Variants in LRP6 observed in about 807,000 individuals in gnomAD.
LRP6 encodes low-density lipoprotein receptor-related protein 6.
LRP6 carries 43 observed loss-of-function variants against 184.1 expected under a neutral mutation model. The observed-to-expected ratio is 0.23, with a 90% CI of 0.18 to 0.30. LRP6 has a LOEUF of 0.30. LRP6 is among the 10% of genes least tolerant of loss of function. The pLI is 1.00. For synonymous variants in LRP6, 719 were observed against 684.9 expected, an observed-to-expected ratio of 1.05 and a Z score of -0.78; for missense variants, 1,571 against 2,005.3, an observed-to-expected ratio of 0.78 and a Z score of 4.14.
chr12:12,266,698 A>T lies in LRP6; in HGVS notation c.38T>A (p.Phe13Tyr). 6.2e-7 allele frequency: 1 copy of T among 1,613,402 alleles called. No individual in the cohort carries two copies. The highest frequency in any genetic ancestry group is 8.5e-7 in the Non-Finnish European group (1 of 1,179,790). ...AVLRSLLACS[F>Y]CVLLRAAPLL... ...CTTCCCACCTCTCAGGAGCACACAG[A>T]AGCTGCAGGCCAGGAGGCTCCTCAG... Residue 13 changes from phenylalanine (F) to tyrosine (Y), a missense_variant, in exon 1 of 23, where the codon TTC becomes TAC. Physicochemically the swap from Phe to Tyr is conservative, Grantham distance 22 (BLOSUM62 3). Transcript: ENST00000261349.
intron 1 of LRP6, among the ~76,000 whole-genome samples, chr12:12,246,316 T>A (rs1865182693): frequency 6.6e-6 from 1 of 152,078 alleles, no homozygotes; most frequent in Admixed American, 6.5e-5. Context: ...CCCAATTTTA[T>A]ATAATCTTAA....
chr12:12,165,015 C>T (rs1862841857), intron 8 of LRP6, 64 bp downstream of exon 8: 3 of 1,168,776 alleles, frequency 2.6e-6, no homozygotes, highest in Non-Finnish European at 3.7e-6. Flanking sequence ...ATTTACACTG[C>T]TGACTATCTC....
chr12:12,213,246 CTT>C (rs1276804673), intron 2 of LRP6, among the ~76,000 whole-genome samples: 1 of 151,960 alleles, frequency 6.6e-6, no homozygotes, highest in Admixed American at 6.6e-5. Context: ...CATGTATACT[CTT>C]ATATTTCCAT....
intron 1 of LRP6, among the ~76,000 whole-genome samples, chr12:12,254,366 T>C (rs1013073878): frequency 6.6e-6 from 1 of 152,106 alleles, no homozygotes; most frequent in African/African-American, 2.4e-5. Context: ...AATAAACTGA[T>C]GAAGGATGAT....
chr12:12,245,331 T>A (rs1424625280), intron 1 of LRP6, among the ~76,000 whole-genome samples: 1 of 152,170 alleles, frequency 6.6e-6, no homozygotes, highest in Non-Finnish European at 1.5e-5. Context: ...AACAAAGGTA[T>A]ATATTGCATG....
chr12:12,229,038 T>C (rs918253087), intron 2 of LRP6, among the ~76,000 whole-genome samples: 1 of 152,182 alleles, frequency 6.6e-6, no homozygotes, highest in Non-Finnish European at 1.5e-5. Context: ...TCTCAAGATC[T>C]GCTAGGATAT....
intron 2 of LRP6, among the ~76,000 whole-genome samples, chr12:12,220,429 G>C (rs948785141): frequency 6.6e-6 from 1 of 152,096 alleles, no homozygotes; most frequent in Non-Finnish European, 1.5e-5. Flanking sequence ...CACTGGACCA[G>C]CTCTGCAGTA....
At chr12:12,233,887 CAT>C (rs972127449) in intron 2 of LRP6, among the ~76,000 whole-genome samples, 1 of 151,902 alleles carries the variant, frequency 6.6e-6, no homozygotes, top group Admixed American at 6.6e-5. Flanking sequence ...AAAGCCTACA[CAT>C]AGAGAGTAGT....
At chr12:12,164,593 AG>A in intron 8 of LRP6, 31 bp from the exon 9 acceptor site, 1 of 1,603,496 alleles carries the variant, frequency 6.2e-7, no homozygotes, top group Non-Finnish European at 8.5e-7. Flanking sequence ...GGGGCACAGA[AG>A]GACACACACA....
chr12:12,228,163 G>C (rs1022143059), intron 2 of LRP6, among the ~76,000 whole-genome samples: 2 of 152,150 alleles, frequency 1.3e-5, no homozygotes, highest in African/African-American at 4.8e-5. Flanking sequence ...CTGAGGTCGG[G>C]AGCTCAGGAC....
At position 12,125,373 on chromosome 12, in the gene LRP6, G is replaced by C; in HGVS notation, c.4372C>G (p.Pro1458Ala). 2 of 1,613,884 alleles carry C rather than the reference G, an allele frequency of 1.2e-6. No homozygotes were observed. The highest frequency in any genetic ancestry group is 2.2e-5 in the South Asian group (2 of 91,066). The change falls in exon 21 of 23, where the codon CCC becomes GCC. Residue 1458 changes from proline (P) to alanine (A), a missense_variant. By Grantham distance (27) the Pro-to-Ala change is conservative (BLOSUM62 -1). Around this residue, in one of 4 missense-constraint regions of LRP6, gnomAD observed 763 missense variants for 859.5 expected, o/e 0.89. Transcript: ENST00000261349. ...SLSIMGGSSGPPYDRAHVTGA... is the reference protein window; with the variant it reads ...SLSIMGGSSGAPYDRAHVTGA... The stretch of plus-strand genomic sequence containing the variant: ...GTAACATGGGCTCGGTCATAGGGGG[G>C]TCCACTGCTTCCCCCCATGATACTG...
intron 2 of LRP6, among the ~76,000 whole-genome samples, chr12:12,242,286 G>A (rs1265617609): frequency 6.6e-6 from 1 of 152,110 alleles, no homozygotes; most frequent in Non-Finnish European, 1.5e-5. Flanking sequence ...CAAGTTTTCT[G>A]TCCTTAAACA....
chr12:12,257,564 G>C (rs949508368), intron 1 of LRP6, among the ~76,000 whole-genome samples: 3 of 130,968 alleles, frequency 2.3e-5, no homozygotes, highest in African/African-American at 8.9e-5. Context: ...CTGGGCGACA[G>C]AGCAAGACTC....
At chr12:12,216,380 A>G (rs1864344050) in intron 2 of LRP6, among the ~76,000 whole-genome samples, 1 of 152,214 alleles carries the variant, frequency 6.6e-6, no homozygotes, top group African/African-American at 2.4e-5. Context: ...ATAATAATAT[A>G]GCCAATTATA....
chr12:12,181,044 C>T lies in LRP6; in HGVS notation c.1372G>A (p.Gly458Arg), dbSNP rs1863331678. 6.2e-7 allele frequency: 1 copy of T among 1,613,946 alleles called. No homozygotes were observed. The highest frequency in any genetic ancestry group is 1.3e-5 in the African/African-American group (1 of 74,916). The change falls in exon 6 of 23, where the codon GGG (glycine) becomes AGG (arginine). Residue 458 changes from glycine to arginine, a missense_variant and splice_region_variant. Around this residue, in one of 4 missense-constraint regions of LRP6, gnomAD observed 640 missense variants for 851.9 expected, o/e 0.75. Transcript: ENST00000261349. ...TTTACTATCAGTAGAGCTTCTTACC[C>T]AACCATGGGATCTAACACAATAGCC... ...PRAIVLDPMV[G>R]YMYWTDWGEI... is the part of the protein sequence containing the mutation.
intron 12 of LRP6, among the ~76,000 whole-genome samples, chr12:12,155,013 T>C (rs750535508): frequency 2.0e-5 from 3 of 152,066 alleles, no homozygotes; most frequent in Non-Finnish European, 4.4e-5. Context: ...CTGGCCAACA[T>C]GGTGAAATCC....
intron 1 of LRP6, among the ~76,000 whole-genome samples, chr12:12,263,843 A>C (rs1277436868): frequency 1.3e-5 from 2 of 151,944 alleles, no homozygotes; most frequent in African/African-American, 4.8e-5. Flanking sequence ...CCAAAAAAAA[A>C]ATAGGAATTC....
Position 12,159,843 on chromosome 12 carries a change from C to T in LRP6, c.2401G>A (p.Ala801Thr), listed in dbSNP as rs143673928. The part of the protein sequence containing the change: ...GRANGLTIDY[A>T]KRRLYWTDLD... ...TCTGTCCAATAAAGCCTCCTTTTAG[C>T]ATAATCAATAGTTAGGCCGTTTGCC... Residue 801 changes from alanine (A) to threonine (T), a missense_variant, in exon 11 of 23, where the codon GCT becomes ACT. By Grantham distance (58) the Ala-to-Thr change is moderately conservative. Around this residue, in one of 4 missense-constraint regions of LRP6, gnomAD observed 158 missense variants for 258.4 expected, o/e 0.61. Coordinates refer to ENST00000261349, the MANE Select transcript of LRP6 (RefSeq NM_002336.3). 3 of 1,614,128 alleles carry T rather than the reference C, an allele frequency of 1.9e-6. No individual in the cohort carries two copies. The highest frequency in any genetic ancestry group is 1.7e-6 in the Non-Finnish European group (2 of 1,180,004).
chr12:12,230,939 T>C (rs1199263318), intron 2 of LRP6, among the ~76,000 whole-genome samples: 1 of 152,066 alleles, frequency 6.6e-6, no homozygotes, highest in Admixed American at 6.5e-5. Context: ...TCCCAGCACT[T>C]TGGGAAGCCA....
Sources: allele counts gnomAD v4.1 joint callset (sites outside exome capture counted in the v4.1 genomes callset), GRCh38; gene constraint gnomAD v4.1.1; regional missense constraint gnomAD v4.1.1; transcripts MANE v1.5; gene names NCBI Gene and HGNC (gene_info 2026-07-23, HGNC 2026-07-21).